The following XBP1 variants were observed in gnomAD, a reference collection of about 807,000 sequenced individuals.
The protein encoded by XBP1 is X-box binding protein 1.
XBP1 carries 18 observed loss-of-function variants against 34.6 expected under a neutral mutation model. The observed-to-expected ratio is 0.52, with a 90% CI of 0.36 to 0.77. The LOEUF is 0.77. Among genes scored for constraint, XBP1 ranks in the 30% least tolerant of loss-of-function variants. XBP1 has a pLI of 0.00. For synonymous variants in XBP1, 191 were observed against 193.4 expected (o/e 0.99, Z 0.11); for missense variants, 422 against 464.6 (o/e 0.91, Z 0.84).
At chr22:28,794,743 CGT>C, downstream of XBP1, 1 of 154,106 alleles carries the variant, frequency 6.5e-6, no homozygotes, top group African/African-American at 2.4e-5. Flanking sequence ...CAGGTGTTCC[CGT>C]TGCTTACAGA....
At chr22:28,798,302 C>CTTTTTTTTTTTTTTTTTTTTT (rs71316865) in intron 2 of XBP1, among the ~76,000 whole-genome samples, 4 of 123,384 alleles carry the variant, frequency 3.2e-5, no homozygotes, top group Admixed American at 7.9e-5. Context: ...CTTAGATTAA[C>CTTTTTTTTTTTTTTTTTTTTT]TTTTTTTTTT....
At chr22:28,797,499 G>A (rs1462168762) in intron 2 of XBP1, among the ~76,000 whole-genome samples, 1 of 151,754 alleles carries the variant, frequency 6.6e-6, no homozygotes, top group African/African-American at 2.4e-5. Flanking sequence ...AAACTATCTT[G>A]GCCAGGCTCG....
exon 6 of XBP1, chr22:28,795,670 G>A (rs368688053): frequency 2.5e-6 from 4 of 1,588,612 alleles, no homozygotes; most frequent in South Asian, 1.1e-5. Context: ...CAGGCTCTGG[G>A]GAAGGGCATT....
chr22:28,800,284 G>C lies in XBP1; in HGVS notation c.227+14C>G. 6.5e-7 allele frequency: 1 copy of C among 1,550,368 alleles called. No individual in the cohort carries two copies. The highest frequency in any genetic ancestry group is 8.7e-7 in the Non-Finnish European group (1 of 1,148,322). On this transcript the variant is annotated intron_variant, in intron 1 of 5. Transcript: ENST00000344347. ...GGCTTCAGATCTGGCCCCAGACCCC[G>C]GCCCCTCGCCCACCTCCTCAGCGCC...
chr22:28,800,164 A>T, intron 1 of XBP1, 134 bp downstream of exon 1: 3 of 1,079,636 alleles, frequency 2.8e-6, no homozygotes, highest in Non-Finnish European at 4.0e-6. Flanking sequence ...CCACGCTGGC[A>T]CCGACCCGCC....
chr22:28,795,487 C>G (rs762973460), exon 6 of XBP1: 10 of 1,614,030 alleles, frequency 6.2e-6, no homozygotes, highest in East Asian at 2.2e-5. Context: ...TAGCTTGGCT[C>G]TCTGTCTCAG....
rs1273825662 is a variant in XBP1, at chr22:28,799,171, A to AT, written c.228-19dup. ...TCAGTTTCCTAGGAAGAGAAGGAACATACCACACTGAGTCATATCAAACCT... is the reference window on the plus strand; with the variant it reads ...TCAGTTTCCTAGGAAGAGAAGGAACATTACCACACTGAGTCATATCAAACCT... On this transcript the variant is annotated intron_variant, in intron 1 of 5. Coordinates refer to ENST00000344347, the Ensembl canonical transcript of XBP1. 6.3e-7 allele frequency: 1 copy of AT among 1,592,192 alleles called. No individual in the cohort carries two copies. The highest frequency in any genetic ancestry group is 1.3e-5 in the African/African-American group (1 of 74,430).
At chr22:28,800,137 TCCTGC>T in intron 1 of XBP1, 156 bp downstream of exon 1, 1 of 853,242 alleles carries the variant, frequency 1.2e-6, no homozygotes, top group Non-Finnish European at 1.8e-6. Context: ...AGTCCGGGCT[TCCTGC>T]CCCGCCCCGC....
intron 2 of XBP1, among the ~76,000 whole-genome samples, chr22:28,798,423 G>A (rs538194077): frequency 8.2e-5 from 12 of 146,690 alleles, no homozygotes; most frequent in Middle Eastern, 3.8e-3. Flanking sequence ...ATTCTCCTGC[G>A]TCAGCCTCCG....
chr22:28,799,162 A>G lies in XBP1; in HGVS notation c.228-9T>C. On this transcript the variant is annotated splice_polypyrimidine_tract_variant and intron_variant, in intron 1 of 5. Transcript: ENST00000344347. ...CTCTGTTTTTCAGTTTCCTAGGAAGAGAAGGAACATACCACACTGAGTCAT... is the reference window on the plus strand; with the variant it reads ...CTCTGTTTTTCAGTTTCCTAGGAAGGGAAGGAACATACCACACTGAGTCAT... The G allele has an allele frequency of 2.5e-6, 4 of 1,610,120 alleles. No homozygotes were observed. Among genetic ancestry groups the G allele is most frequent in the Non-Finnish European group, 3.4e-6 (4 of 1,176,938 alleles).
At chr22:28,796,233 C>A in intron 3 of XBP1, 41 bp from the exon 4 acceptor site, 2 of 1,486,858 alleles carry the variant, frequency 1.3e-6, no homozygotes, top group South Asian at 1.4e-5. Flanking sequence ...CTTCAAGTGC[C>A]CAAGGAAATG....
At chr22:28,798,078 G>A (rs1169423872) in intron 2 of XBP1, among the ~76,000 whole-genome samples, 1 of 152,108 alleles carries the variant, frequency 6.6e-6, no homozygotes, top group African/African-American at 2.4e-5. Flanking sequence ...GGACCCTAGA[G>A]GGGGAAAGGA....
rs773238073 is a variant in XBP1, at chr22:28,795,737, AAG to A, written c.574-7_574-6del. The A allele has an allele frequency of 3.9e-6, 6 of 1,525,120 alleles. No individual in the cohort carries two copies. Among genetic ancestry groups the A allele is most frequent in the South Asian group, 1.3e-5 (1 of 75,690 alleles). The allele number at this position is 1,525,120 out of a possible 1,614,324, so 94.5% of individuals were successfully genotyped here. A position where few individuals can be genotyped will look rare whatever the true frequency, so the allele number is the denominator to read the frequency against. The stretch of plus-strand genomic sequence containing the variant: ...AATGCCCAACAGGATATCAGACTGT[AAG>A]AGGCAAAAATTAAATGAAGTACAAC... On this transcript the variant is annotated splice_polypyrimidine_tract_variant and splice_region_variant and intron_variant, in intron 5 of 5. Transcript: ENST00000344347.
chr22:28,794,907 C>G, downstream of XBP1: 1 of 313,324 alleles, frequency 3.2e-6, no homozygotes, highest in Non-Finnish European at 5.8e-6. Context: ...AACTACCACC[C>G]TTTTAAGATA....
At chr22:28,795,349 C>T in exon 6 of XBP1, 1 of 1,551,892 alleles carries the variant, frequency 6.4e-7, no homozygotes, top group Non-Finnish European at 8.7e-7. Flanking sequence ...TGGATGAAAG[C>T]AGATTTGAGA....
chr22:28,796,965 G>A (rs1398475394), intron 3 of XBP1, 112 bp downstream of exon 3: 4 of 1,395,324 alleles, frequency 2.9e-6, no homozygotes, highest in Non-Finnish European at 3.9e-6. Flanking sequence ...AAAACTGAAG[G>A]AAAATTTCAA....
intron 1 of XBP1, 118 bp from the exon 2 acceptor site, chr22:28,799,271 TAAA>T: frequency 1.5e-6 from 1 of 676,984 alleles, no homozygotes; most frequent in South Asian, 2.1e-5. Context: ...AGACTAATGA[TAAA>T]ATACACTTCA....
At chr22:28,796,355 G>A (rs1170901494) in intron 3 of XBP1, 163 bp from the exon 4 acceptor site, 10 of 611,416 alleles carry the variant, frequency 1.6e-5, no homozygotes, top group Non-Finnish European at 2.5e-5. Context: ...ATTGAGAAGA[G>A]CAAGATAAGA....
rs1328751262 is a variant in XBP1, at chr22:28,799,747, A to G, written c.227+551T>C. Among the ~76,000 whole-genome samples, 6 of 152,226 alleles carry G rather than the reference A, an allele frequency of 3.9e-5. No individual in the cohort carries two copies. The East Asian group carries it at 1.2e-3, about 29-fold the overall frequency. The stretch of plus-strand genomic sequence containing the variant: ...AATCACAGAAGGCACAATGATCACA[A>G]AAGAGTGAACATTTACGGAGGACTA... On this transcript the variant is annotated intron_variant, in intron 1 of 5. Transcript: ENST00000344347.
Sources: gnomAD v4.1 joint callset for allele counts (sites outside exome capture counted in the v4.1 genomes callset) on GRCh38, gnomAD v4.1.1 for gene constraint, MANE v1.5 for transcripts, NCBI Gene and HGNC (gene_info 2026-07-23, HGNC 2026-07-21) for gene names.